Variants in ZFAND3 observed in about 807,000 individuals in gnomAD.
ZFAND3 encodes the protein AN1-type zinc finger protein 3.
In ZFAND3, 10 loss-of-function variants were observed where a neutral mutation model predicts 29.6. That is an observed-to-expected ratio of 0.34 (90% CI 0.21 to 0.57). The LOEUF is 0.57. Ranked by LOEUF, ZFAND3 falls within the 20% of genes least tolerant of loss-of-function variation. The pLI is 0.86. For synonymous variants in ZFAND3, 128 were observed against 112.6 expected (o/e 1.14, Z -0.87); for missense variants, 230 against 304.5 (o/e 0.76, Z 1.82).
rs560359351 is a variant in ZFAND3, at chr6:38,036,221, A to C, written c.113-25372A>C. On this transcript the variant is annotated intron_variant, in intron 2 of 5. Transcript: ENST00000287218. ...TAAGCACTACCTTTGACCAGTAAGA[A>C]GTTTATGTGAACCCAGGGGTGACCC... is the stretch of plus-strand genomic sequence containing the variant. Among the ~76,000 whole-genome samples the C allele has an allele frequency of 8.4e-4, 128 of 152,356 alleles. No individual in the cohort carries two copies. The Middle Eastern group carries it at 0.01, about 12-fold the overall frequency.
chr6:38,153,992 G>A lies in ZFAND3; in HGVS notation c.*1603G>A, dbSNP rs1345213892. ...CAAATGTTTTTTGATCCGACGTACT[G>A]AAATAGGAAGTCATGCTCTTCCCAC... On this transcript the variant is annotated 3_prime_UTR_variant, in exon 6 of 6. Coordinates refer to ENST00000287218, the MANE Select transcript of ZFAND3 (RefSeq NM_021943.3). 1 of 985,372 alleles carries A rather than the reference G, an allele frequency of 1.0e-6. No individual in the cohort carries two copies. Among genetic ancestry groups the A allele is most frequent in the Non-Finnish European group, 1.2e-6 (1 of 829,958 alleles). 61.0% of individuals were successfully genotyped at this position (985,372 alleles called of 1,614,324 possible). A position where few individuals can be genotyped will look rare whatever the true frequency, so the allele number is the denominator to read the frequency against.
rs940126839 is a variant in ZFAND3, at chr6:37,935,175, A to G, written c.112+5176A>G. 7.2e-5 allele frequency among the ~76,000 whole-genome samples: 11 copies of G among 152,300 alleles called. 1 individual carries two copies. The highest frequency in any genetic ancestry group is 3.3e-4 in the Admixed American group (5 of 15,292). On this transcript the variant is annotated intron_variant, in intron 2 of 5. Coordinates refer to ENST00000287218, the MANE Select transcript of ZFAND3 (RefSeq NM_021943.3). ...GAAAGGTTTTGCTTAACAGCTTTGC[A>G]TTTTGAAGTTGTGGAGACTTTCTAA...
chr6:38,047,548 G>T (rs1581869922), intron 2 of ZFAND3, among the ~76,000 whole-genome samples: 1 of 151,964 alleles, frequency 6.6e-6, no homozygotes, highest in South Asian at 2.1e-4. Flanking sequence ...CCAGATTATT[G>T]TCCCCACATA....
chr6:38,133,771 T>G (rs1376643816), intron 5 of ZFAND3, among the ~76,000 whole-genome samples: 1 of 151,752 alleles, frequency 6.6e-6, no homozygotes, highest in African/African-American at 2.4e-5. Flanking sequence ...AAGAGCATCA[T>G]TGGACAAATG....
At chr6:37,874,897 G>A (rs1038293128) in intron 1 of ZFAND3, among the ~76,000 whole-genome samples, 7 of 152,090 alleles carry the variant, frequency 4.6e-5, no homozygotes, top group Non-Finnish European at 7.4e-5. Context: ...TCTTAGCTGT[G>A]GGGCTGAAAA....
rs145242232 is a variant in ZFAND3 at position 38,018,874 on chromosome 6, A to G, written c.113-42719A>G. Among the ~76,000 whole-genome samples, 1,202 of 152,290 alleles carry G rather than the reference A, an allele frequency of 7.9e-3. 8 individuals are homozygous for G. Among genetic ancestry groups the G allele is most frequent in the Non-Finnish European group, 0.013 (873 of 68,016 alleles). On this transcript the variant is annotated intron_variant, in intron 2 of 5. Transcript: ENST00000287218. Reference sequence around the variant, plus strand: ...TTGATATTGCCAAATTGCCCTCTGTAGAGGTTGAAATAATTTACACTCCCA... The same window carrying G: ...TTGATATTGCCAAATTGCCCTCTGTGGAGGTTGAAATAATTTACACTCCCA...
At chr6:38,073,112 C>T (rs1486592056) in intron 3 of ZFAND3, among the ~76,000 whole-genome samples, 1 of 152,108 alleles carries the variant, frequency 6.6e-6, no homozygotes, top group Admixed American at 6.5e-5. Context: ...AAAGGCTCAG[C>T]AAAGAGGCAG....
chr6:37,891,368 G>A (rs998623810), intron 1 of ZFAND3, among the ~76,000 whole-genome samples: 6 of 146,710 alleles, frequency 4.1e-5, no homozygotes, highest in African/African-American at 1.6e-4. Flanking sequence ...AATACATGAA[G>A]CAAAACTGAC....
At chr6:38,099,378 TA>T (rs1002314806) in intron 4 of ZFAND3, among the ~76,000 whole-genome samples, 17 of 152,204 alleles carry the variant, frequency 1.1e-4, no homozygotes, top group African/African-American at 3.6e-4. Context: ...TATGTATAAT[TA>T]TTTCTAGTGC....
chr6:38,014,451 C>G (rs917792632), intron 2 of ZFAND3, among the ~76,000 whole-genome samples: 1 of 151,972 alleles, frequency 6.6e-6, no homozygotes, highest in Non-Finnish European at 1.5e-5. Flanking sequence ...CTCAGCCTCC[C>G]GAGTAGCTGG....
intron 5 of ZFAND3, among the ~76,000 whole-genome samples, chr6:38,136,434 G>C (rs992882017): frequency 2.6e-5 from 4 of 152,192 alleles, no homozygotes; most frequent in Admixed American, 6.5e-5. Flanking sequence ...CCTGACTGCT[G>C]TCTTCCATAG....
At chr6:37,990,225 C>CT (rs1354259314) in intron 2 of ZFAND3, among the ~76,000 whole-genome samples, 1 of 152,146 alleles carries the variant, frequency 6.6e-6, no homozygotes, top group East Asian at 1.9e-4. Context: ...CTGGACAATA[C>CT]TTTGAGAATC....
At chr6:37,824,016 T>C (rs1763714607) in intron 1 of ZFAND3, among the ~76,000 whole-genome samples, 1 of 152,178 alleles carries the variant, frequency 6.6e-6, no homozygotes, top group Non-Finnish European at 1.5e-5. Flanking sequence ...CCTCAGGTGA[T>C]CCTCCCGCCT....
chr6:38,049,109 T>G (rs1380835039), intron 2 of ZFAND3, among the ~76,000 whole-genome samples: 1 of 152,206 alleles, frequency 6.6e-6, no homozygotes, highest in Admixed American at 6.5e-5. Context: ...GCCACCTAAC[T>G]TCACACATTC....
At chr6:37,864,608 G>A (rs1031457196) in intron 1 of ZFAND3, among the ~76,000 whole-genome samples, 3 of 151,916 alleles carry the variant, frequency 2.0e-5, no homozygotes, top group East Asian at 3.9e-4. Flanking sequence ...TTAGGAGAGG[G>A]GACATAGCCA....
At chr6:37,910,597 G>T (rs908044822) in intron 1 of ZFAND3, among the ~76,000 whole-genome samples, 12 of 151,904 alleles carry the variant, frequency 7.9e-5, no homozygotes, top group Non-Finnish European at 1.8e-4. Context: ...CATTTTTGGG[G>T]GGTGGGAACA....
intron 2 of ZFAND3, among the ~76,000 whole-genome samples, chr6:38,010,396 G>A (rs4711523): frequency 0.4 from 60,463 of 151,902 alleles, 13,040 homozygotes; most frequent in East Asian, 0.86. Context: ...GAAGGAAACA[G>A]TGTTATTTGA....
chr6:37,903,766 T>C (rs148852607), intron 1 of ZFAND3, among the ~76,000 whole-genome samples: 1 of 152,360 alleles, frequency 6.6e-6, no homozygotes, highest in Non-Finnish European at 1.5e-5. Flanking sequence ...GCTTGCTTTT[T>C]AAAAATTGTT....
chr6:37,962,049 A>G (rs1762207738), intron 2 of ZFAND3, among the ~76,000 whole-genome samples: 1 of 152,250 alleles, frequency 6.6e-6, no homozygotes, highest in Admixed American at 6.5e-5. Flanking sequence ...AGAAATAGAG[A>G]TATCAGACCT....
Sources: allele counts gnomAD v4.1 joint callset (sites outside exome capture counted in the v4.1 genomes callset), GRCh38; gene constraint gnomAD v4.1.1; transcripts MANE v1.5; gene names NCBI Gene and HGNC (gene_info 2026-07-23, HGNC 2026-07-21).